FBXW7: variants seen among roughly 807,000 people sequenced by gnomAD.
FBXW7 encodes the protein F-box/WD repeat-containing protein 7.
A neutral mutation model predicts 86.3 loss-of-function variants in FBXW7; 11 were observed. The ratio of observed to expected loss-of-function variants is 0.13; its 90% CI spans 0.08 to 0.21. The LOEUF is 0.21. Among genes scored for constraint, FBXW7 ranks in the 10% least tolerant of loss-of-function variants. The pLI is 1.00. For missense variants in FBXW7, 488 were observed against 847.4 expected (o/e 0.58, Z 5.27); for synonymous variants, 313 against 297.9 (o/e 1.05, Z -0.52).
intron 12 of FBXW7, chr4:152,325,657 T>C: frequency 4.6e-6 from 1 of 215,552 alleles, no homozygotes; most frequent in Non-Finnish European, 9.4e-6. Flanking sequence ...AGGGGCAGCT[T>C]TTGGCCATAT....
chr4:152,350,164 G>A lies in FBXW7; in HGVS notation c.502-40C>T, dbSNP rs188497073. The A allele has an allele frequency of 4.9e-4, 618 of 1,252,474 alleles. 1 individual carries two copies. Among genetic ancestry groups the A allele is most frequent in the Non-Finnish European group, 6.4e-4 (575 of 900,444 alleles). The allele number at this position is 1,252,474 out of a possible 1,614,324, so 77.6% of individuals were successfully genotyped here. Reference sequence around the variant, plus strand: ...AAACAAGATATGTTTTTTAAAAATCGTCTAACTATCAAATCTTGAGTCAGC... The same window carrying A: ...AAACAAGATATGTTTTTTAAAAATCATCTAACTATCAAATCTTGAGTCAGC... On this transcript the variant is annotated intron_variant, in intron 4 of 13. Transcript: ENST00000281708.
At chr4:152,532,782 C>T (rs1750134953) in intron 2 of FBXW7, among the ~76,000 whole-genome samples, 1 of 152,170 alleles carries the variant, frequency 6.6e-6, no homozygotes, top group Non-Finnish European at 1.5e-5. Flanking sequence ...TCTCCTATAG[C>T]TTTGTGCAAT....
chr4:152,528,394 T>C (rs1383402354), intron 2 of FBXW7, among the ~76,000 whole-genome samples: 1 of 152,256 alleles, frequency 6.6e-6, no homozygotes, highest in Non-Finnish European at 1.5e-5. Flanking sequence ...TGTTTGTTTC[T>C]GATTTTCAAC....
At chr4:152,519,311 T>TAAAGAAAGAAAG (rs1427496764) in intron 2 of FBXW7, among the ~76,000 whole-genome samples, 1 of 151,516 alleles carries the variant, frequency 6.6e-6, no homozygotes, top group Non-Finnish European at 1.5e-5. Context: ...AATAAATAAA[T>TAAAGAAAGAAAG]AAATAAATAA....
At position 152,535,461 on chromosome 4, in the gene FBXW7, G is replaced by T; in HGVS notation, c.-547C>A. 2.5e-6 allele frequency: 1 copy of T among 392,496 alleles called. No homozygotes were observed. Among genetic ancestry groups the T allele is most frequent in the Non-Finnish European group, 4.5e-6 (1 of 222,476 alleles). 24.3% of individuals were successfully genotyped at this position (392,496 alleles called of 1,614,324 possible). On this transcript the variant is annotated 5_prime_UTR_variant, in exon 1 of 14. It adds an upstream start codon to the 5' untranslated region. Coordinates refer to ENST00000281708, the MANE Select transcript of FBXW7 (RefSeq NM_001349798.2). ...CGGTCCTGTTCTCTCCGCCGCCCCA[G>T]CCGCCGCTTCACATCGGGGTCCCCG... is the stretch of plus-strand genomic sequence containing the variant.
Position 152,350,089 on chromosome 4 carries a change from G to A in FBXW7, c.537C>T (p.Arg179=). The A allele has an allele frequency of 3.2e-6, 5 of 1,568,216 alleles. No individual in the cohort carries two copies. The highest frequency in any genetic ancestry group is 1.2e-5 in the South Asian group (1 of 84,832). ...KRKLDHGSEV[R]SFSLGKKPCK... ...ATGGTTTCTTTCCCAAAGAAAAAGA[G>A]CGGACCTCAGAACCATGGTCCAACT... is the stretch of plus-strand genomic sequence containing the variant. The change falls in exon 5 of 14, where the codon CGC becomes CGT. Residue 179 remains arginine (R), a synonymous_variant. Coordinates refer to ENST00000281708, the MANE Select transcript of FBXW7 (RefSeq NM_001349798.2).
At chr4:152,386,516 A>T (rs77438559) in intron 4 of FBXW7, among the ~76,000 whole-genome samples, 1,971 of 152,244 alleles carry the variant, frequency 0.013, 34 homozygotes, top group African/African-American at 0.043. Flanking sequence ...TTACATTTCC[A>T]ATTTTAAAAT....
chr4:152,379,646 G>C (rs1734874682), intron 4 of FBXW7, among the ~76,000 whole-genome samples: 1 of 152,054 alleles, frequency 6.6e-6, no homozygotes, highest in African/African-American at 2.4e-5. Flanking sequence ...GGCCCCCAAA[G>C]TGTTGGGATT....
At chr4:152,488,074 G>A (rs1745506395) in intron 2 of FBXW7, among the ~76,000 whole-genome samples, 1 of 151,878 alleles carries the variant, frequency 6.6e-6, no homozygotes, top group South Asian at 2.1e-4. Flanking sequence ...ATCTCATATT[G>A]CTTTTAAAAC....
chr4:152,440,203 T>G (rs1740762412), intron 2 of FBXW7, among the ~76,000 whole-genome samples: 2 of 152,316 alleles, frequency 1.3e-5, no homozygotes, highest in Admixed American at 6.5e-5. Context: ...AAAAAATTTT[T>G]TTTCAGTTTC....
At chr4:152,326,298 T>C (rs1351587748) in intron 11 of FBXW7, 67 bp from the exon 12 acceptor site, 2 of 1,242,728 alleles carry the variant, frequency 1.6e-6, no homozygotes, top group East Asian at 2.4e-5. Flanking sequence ...TTTAATAATA[T>C]GAGAAAACAT....
chr4:152,399,680 G>A (rs931811946), intron 4 of FBXW7, among the ~76,000 whole-genome samples: 2 of 152,024 alleles, frequency 1.3e-5, no homozygotes, highest in African/African-American at 4.8e-5. Context: ...AGTGAAATCT[G>A]AAATGACAAA....
intron 4 of FBXW7, among the ~76,000 whole-genome samples, chr4:152,371,445 AAAT>A (rs1242954223): frequency 6.6e-6 from 1 of 152,012 alleles, no homozygotes; most frequent in Non-Finnish European, 1.5e-5. Flanking sequence ...CAGAGCATCA[AAAT>A]AATATTTTGC....
chr4:152,324,521 T>A lies in FBXW7; in HGVS notation c.1645-127A>T, dbSNP rs1483811227. ...TAATGCCAGGAACAAAATGAGGTAC[T>A]AAGATAAAGTGGCAATGAGGATAAA... On this transcript the variant is annotated intron_variant, in intron 12 of 13. Transcript: ENST00000281708. The A allele has an allele frequency of 8.5e-6, 6 of 706,236 alleles. No individual in the cohort carries two copies. The African/African-American group carries it at 9.0e-5, about 11-fold the overall frequency. The allele number at this position is 706,236 out of a possible 1,614,324, so 43.7% of individuals were successfully genotyped here.
intron 2 of FBXW7, 134 bp downstream of exon 2, chr4:152,534,807 C>T (rs138892570): frequency 6.6e-6 from 1 of 152,286 alleles, no homozygotes. Flanking sequence ...CACCTTCCCC[C>T]CTCCGTGAAT....
At chr4:152,458,992 G>A (rs1490428090) in intron 2 of FBXW7, among the ~76,000 whole-genome samples, 1 of 152,158 alleles carries the variant, frequency 6.6e-6, no homozygotes, top group Non-Finnish European at 1.5e-5. Flanking sequence ...AACCACAACT[G>A]TTCCCCAACT....
At chr4:152,516,937 T>A (rs1171034653) in intron 2 of FBXW7, among the ~76,000 whole-genome samples, 1 of 152,130 alleles carries the variant, frequency 6.6e-6, no homozygotes, top group African/African-American at 2.4e-5. Context: ...GCAATCCTCC[T>A]GCCTCAGCCT....
rs201753217 is a variant in FBXW7 at position 152,350,090 on chromosome 4, C to G, written c.536G>C (p.Arg179Pro). 1 of 1,566,444 alleles carries G rather than the reference C, an allele frequency of 6.4e-7. No individual in the cohort carries two copies. The highest frequency in any genetic ancestry group is 1.2e-5 in the South Asian group (1 of 84,606). Residue 179 changes from arginine to proline, a missense_variant, in exon 5 of 14, where the codon CGC (arginine) becomes CCC (proline). Arg to Pro is a moderately radical substitution (Grantham distance 103). Transcript: ENST00000281708. Reference sequence around the variant, plus strand: ...TGGTTTCTTTCCCAAAGAAAAAGAGCGGACCTCAGAACCATGGTCCAACTT... The same window carrying G: ...TGGTTTCTTTCCCAAAGAAAAAGAGGGGACCTCAGAACCATGGTCCAACTT... The part of the protein sequence containing the change: ...KRKLDHGSEV[R>P]SFSLGKKPCK...
chr4:152,507,355 T>A (rs1285254018), intron 2 of FBXW7, among the ~76,000 whole-genome samples: 5 of 152,162 alleles, frequency 3.3e-5, no homozygotes, highest in Non-Finnish European at 7.4e-5. Context: ...CTTAGAAAAG[T>A]TTTTTAAATT....
Sources: gnomAD v4.1 joint callset for allele counts (sites outside exome capture counted in the v4.1 genomes callset) on GRCh38, gnomAD v4.1.1 for gene constraint, MANE v1.5 for transcripts, NCBI Gene and HGNC (gene_info 2026-07-23, HGNC 2026-07-21) for gene names.